The following ARHGAP39 variants were observed in gnomAD, a reference collection of about 807,000 sequenced individuals.
The protein encoded by ARHGAP39 is Rho GTPase activating protein 39.
A neutral mutation model predicts 106.9 loss-of-function variants in ARHGAP39; 44 were observed. That is an observed-to-expected ratio of 0.41 (90% CI 0.32 to 0.53). The LOEUF (loss-of-function observed/expected upper bound fraction) is 0.53. ARHGAP39 is among the 20% of genes least tolerant of loss of function. ARHGAP39 has a pLI of 0.21. For missense variants in ARHGAP39, 1,496 were observed against 1,577.3 expected (o/e 0.95, Z 0.87); for synonymous variants, 768 against 693.2 (o/e 1.11, Z -1.69).
intron 3 of ARHGAP39, among the ~76,000 whole-genome samples, chr8:144,571,233 A>C (rs527775058): frequency 6.6e-6 from 1 of 152,354 alleles, no homozygotes; most frequent in African/African-American, 2.4e-5. Flanking sequence ...GAAAATCCTC[A>C]ATAAAATACT....
At chr8:144,617,920 C>T (rs571717967) in intron 1 of ARHGAP39, among the ~76,000 whole-genome samples, 3 of 152,092 alleles carry the variant, frequency 2.0e-5, no homozygotes, top group African/African-American at 7.2e-5. Context: ...AAGCCGGGAC[C>T]ACAGGTGCGA....
At chr8:144,534,608 G>A (rs564635351) in intron 7 of ARHGAP39, among the ~76,000 whole-genome samples, 1 of 152,346 alleles carries the variant, frequency 6.6e-6, no homozygotes, top group Admixed American at 6.5e-5. Context: ...GTGGGCAGGA[G>A]CCCCTGGAGG....
chr8:144,637,761 C>T (rs1006719322), intron 1 of ARHGAP39, among the ~76,000 whole-genome samples: 1 of 152,104 alleles, frequency 6.6e-6, no homozygotes, highest in East Asian at 1.9e-4. Flanking sequence ...AGTGCAGTGG[C>T]ACCATCATGC....
At chr8:144,677,600 G>A (rs752497347) in intron 1 of ARHGAP39, among the ~76,000 whole-genome samples, 4 of 152,210 alleles carry the variant, frequency 2.6e-5, no homozygotes, top group Non-Finnish European at 5.9e-5. Context: ...AGAATGTACC[G>A]GAAAATGTAC....
rs116480921 is a variant in ARHGAP39 at position 144,529,234 on chromosome 8, G to C, written c.*1188C>G. 5 of 252,510 alleles carry C rather than the reference G, an allele frequency of 2.0e-5. No homozygotes were observed. The highest frequency in any genetic ancestry group is 5.6e-5 in the Admixed American group (1 of 17,722). 15.6% of individuals were successfully genotyped at this position (252,510 alleles called of 1,614,324 possible). A position where few individuals can be genotyped will look rare whatever the true frequency, so the allele number is the denominator to read the frequency against. ...TCGTCGCCTCTCGGGTCCATGCGTC[G>C]GGGCGAGCGTCTCAGCCGGGCGGGA... On this transcript the variant is annotated 3_prime_UTR_variant, in exon 12 of 12. Transcript: ENST00000377307.
intron 1 of ARHGAP39, among the ~76,000 whole-genome samples, chr8:144,622,467 C>T (rs1404269269): frequency 1.3e-5 from 2 of 151,994 alleles, no homozygotes; most frequent in African/African-American, 4.8e-5. Context: ...CCGGGCTCTG[C>T]CACAATGACC....
Position 144,608,252 on chromosome 8 carries a change from G to A in ARHGAP39, c.-81-2557C>T, listed in dbSNP as rs917458333. On this transcript the variant is annotated intron_variant, in intron 1 of 11. Coordinates refer to ENST00000377307, the MANE Select transcript of ARHGAP39 (RefSeq NM_025251.3). ...TTGAGAGGAAACAGGTGACCTGCTC[G>A]TACAGCTTCAATCTTTTTGAAAAGT... is the stretch of plus-strand genomic sequence containing the variant. 8.6e-5 allele frequency among the ~76,000 whole-genome samples: 13 copies of A among 151,352 alleles called. 1 individual carries two copies. The highest frequency in any genetic ancestry group is 4.6e-4 in the Admixed American group (7 of 15,170).
chr8:144,639,790 G>GA (rs1187371556), intron 1 of ARHGAP39, among the ~76,000 whole-genome samples: 1 of 152,144 alleles, frequency 6.6e-6, no homozygotes, highest in African/African-American at 2.4e-5. Flanking sequence ...GTCACCCTGG[G>GA]AAAAGCAACA....
chr8:144,620,489 CTG>C (rs1226870370), intron 1 of ARHGAP39, among the ~76,000 whole-genome samples: 5 of 139,864 alleles, frequency 3.6e-5, no homozygotes, highest in Non-Finnish European at 7.6e-5. Flanking sequence ...GTCTGTTAGC[CTG>C]TGTGTCCAAG....
intron 1 of ARHGAP39, among the ~76,000 whole-genome samples, chr8:144,643,316 T>G (rs1586633488): frequency 1.3e-5 from 2 of 152,082 alleles, no homozygotes; most frequent in African/African-American, 4.8e-5. Flanking sequence ...TTGCCAGGCA[T>G]GGTGGTGCAC....
intron 3 of ARHGAP39, among the ~76,000 whole-genome samples, chr8:144,559,533 G>A (rs943593085): frequency 5.9e-5 from 9 of 152,180 alleles, no homozygotes; most frequent in Non-Finnish European, 1.2e-4. Context: ...CCAATCGTGT[G>A]TCTGAGGACA....
At chr8:144,622,719 C>A (rs1397281511) in intron 1 of ARHGAP39, among the ~76,000 whole-genome samples, 1 of 152,238 alleles carries the variant, frequency 6.6e-6, no homozygotes, top group Non-Finnish European at 1.5e-5. Flanking sequence ...AAAAATCTAT[C>A]ACTGGGTTGG....
chr8:144,568,079 C>T (rs1428912371), intron 3 of ARHGAP39, among the ~76,000 whole-genome samples: 1 of 152,082 alleles, frequency 6.6e-6, no homozygotes, highest in Non-Finnish European at 1.5e-5. Flanking sequence ...TGCCTGTAAT[C>T]CCAGCACCTT....
intron 1 of ARHGAP39, among the ~76,000 whole-genome samples, chr8:144,622,867 G>C (rs1246003549): frequency 6.6e-6 from 1 of 152,260 alleles, no homozygotes; most frequent in Non-Finnish European, 1.5e-5. Context: ...AGTCAGGGGA[G>C]AGAGGCTGGG....
intron 1 of ARHGAP39, among the ~76,000 whole-genome samples, chr8:144,655,238 G>A (rs1821666265): frequency 6.6e-6 from 1 of 152,218 alleles, no homozygotes; most frequent in Admixed American, 6.5e-5. Context: ...AAGTTGTGGT[G>A]CCTTTTCCAG....
Position 144,530,701 on chromosome 8 carries a change from C to T in ARHGAP39, c.3150+1G>A. 6.3e-7 allele frequency: 1 copy of T among 1,595,292 alleles called. No homozygotes were observed. Among genetic ancestry groups the T allele is most frequent in the Non-Finnish European group, 8.6e-7 (1 of 1,169,588 alleles). On this transcript the variant is annotated splice_donor_variant, in intron 11 of 11. Transcript: ENST00000377307. LOFTEE classifies it high-confidence loss of function. ...GCGGGGACCCCCGGGGAGGGAAGTA[C>T]CTGCAGGAAGCGGATGAGGTAGCAC...
intron 2 of ARHGAP39, among the ~76,000 whole-genome samples, chr8:144,598,918 T>C (rs903258271): frequency 6.6e-6 from 1 of 152,080 alleles, no homozygotes; most frequent in Non-Finnish European, 1.5e-5. Context: ...CATGAAAAGA[T>C]AAAAAATACT....
chr8:144,669,739 G>A (rs897827216), intron 1 of ARHGAP39, among the ~76,000 whole-genome samples: 2 of 152,060 alleles, frequency 1.3e-5, no homozygotes, highest in Non-Finnish European at 2.9e-5. Context: ...CAAAGATGAT[G>A]GACAAATGGT....
chr8:144,602,683 T>C (rs1294461266), intron 2 of ARHGAP39, among the ~76,000 whole-genome samples: 1 of 134,340 alleles, frequency 7.4e-6, no homozygotes, highest in Non-Finnish European at 1.6e-5. Context: ...TGCGAGCTCG[T>C]GTACCTGTGT....
Sources: gnomAD v4.1 joint callset for allele counts (sites outside exome capture counted in the v4.1 genomes callset) on GRCh38, gnomAD v4.1.1 for gene constraint, MANE v1.5 for transcripts, NCBI Gene and HGNC (gene_info 2026-07-23, HGNC 2026-07-21) for gene names.